The following MEIS3 variants were observed in gnomAD, a reference collection of about 807,000 sequenced individuals.
The protein encoded by MEIS3 is homeobox protein Meis3.
A neutral mutation model predicts 51.4 loss-of-function variants in MEIS3; 38 were observed. The ratio of observed to expected loss-of-function variants is 0.74; its 90% CI spans 0.57 to 0.97. MEIS3 has a LOEUF of 0.97. Among genes scored for constraint, MEIS3 ranks in the 50% least tolerant of loss-of-function variants. The probability of loss-of-function intolerance (pLI) is 0.00; values close to 1 mark genes in which losing one functional copy is unlikely to be tolerated. For missense variants in MEIS3, 456 were observed against 502.6 expected (o/e 0.91, Z 0.89); for synonymous variants, 198 against 201.8 (o/e 0.98, Z 0.16).
chr19:47,413,763 T>C (rs1971253627), intron 6 of MEIS3, among the ~76,000 whole-genome samples: 1 of 151,318 alleles, frequency 6.6e-6, no homozygotes, highest in Non-Finnish European at 1.5e-5. Flanking sequence ...AGTCTTGCTC[T>C]GTCGCCCAGG....
upstream of MEIS3, among the ~76,000 whole-genome samples, chr19:47,419,985 G>A (rs921308383): frequency 6.6e-6 from 1 of 152,130 alleles, no homozygotes; most frequent in African/African-American, 2.4e-5. Context: ...CGCTGGGGGC[G>A]GCGGGGGTGG....
chr19:47,421,039 G>A (rs376911308), upstream of MEIS3, among the ~76,000 whole-genome samples: 11 of 151,416 alleles, frequency 7.3e-5, no homozygotes, highest in African/African-American at 1.9e-4. Context: ...AGCAGGTGGC[G>A]GCCAGGCCTG....
rs200710251 is a variant in MEIS3, at chr19:47,409,277, G to A, written c.710-30C>T. 1,419 of 1,595,754 alleles carry A rather than the reference G, an allele frequency of 8.9e-4. 2 individuals carry two copies. Among genetic ancestry groups the A allele is most frequent in the Admixed American group, 1.3e-3 (72 of 56,386 alleles). On this transcript the variant is annotated intron_variant, in intron 7 of 12. Coordinates refer to ENST00000558555, the MANE Select transcript of MEIS3 (RefSeq NM_001301059.2). ...GGGAAGGCAGGCATGCTGTGTGTGT[G>A]GGTAGTGAAGAGTGGAGGACCAGAG...
At chr19:47,418,067 G>C (rs529116577) in intron 1 of MEIS3, 2 of 251,200 alleles carry the variant, frequency 8.0e-6, no homozygotes, top group East Asian at 1.8e-4. Flanking sequence ...ACTTGTTGCC[G>C]GAGAGGGTCA....
intron 1 of MEIS3, chr19:47,417,638 GA>G: frequency 1.4e-6 from 1 of 702,918 alleles, no homozygotes; most frequent in Non-Finnish European, 2.6e-6. Flanking sequence ...AAGAGATGGA[GA>G]AAGTGGCGTG....
upstream of MEIS3, among the ~76,000 whole-genome samples, chr19:47,420,950 T>A (rs796286432): frequency 0.063 from 7,731 of 123,616 alleles, 327 homozygotes; most frequent in African/African-American, 0.12. Flanking sequence ...ACTCTCTCTC[T>A]CTCTCTCTCT....
intron 6 of MEIS3, among the ~76,000 whole-genome samples, chr19:47,413,562 C>T (rs567348861): frequency 3.3e-5 from 5 of 151,988 alleles, no homozygotes; most frequent in South Asian, 4.2e-4. Context: ...GGCTCTCATG[C>T]GACTTCTCAA....
At chr19:47,412,555 TTTG>T (rs973839490) in intron 6 of MEIS3, among the ~76,000 whole-genome samples, 4 of 151,370 alleles carry the variant, frequency 2.6e-5, no homozygotes, top group African/African-American at 9.7e-5. Context: ...ACCCAGCTAA[TTTG>T]TTGTTGTTTG....
At position 47,417,213 on chromosome 19, in the gene MEIS3, G is replaced by T; in HGVS notation, c.150C>A (p.Ser50Arg). ...CATCCTTCTCCCTCTTCAGGCCGTCGCTGTCCAAGCCTGGGGGCAGGGGCT... is the reference window on the plus strand; with the variant it reads ...CATCCTTCTCCCTCTTCAGGCCGTCTCTGTCCAAGCCTGGGGGCAGGGGCT... ...PPQPLPPGLD[S>R]DGLKREKDEI... is the part of the protein sequence containing the mutation. The change falls in exon 2 of 13, where the codon AGC becomes AGA. Residue 50 changes from serine to arginine, a missense_variant. By Grantham distance (110) the Ser-to-Arg change is moderately radical (BLOSUM62 -1). Coordinates refer to ENST00000558555, the MANE Select transcript of MEIS3 (RefSeq NM_001301059.2). 6.4e-7 allele frequency: 1 copy of T among 1,572,422 alleles called. No individual in the cohort carries two copies. Among genetic ancestry groups the T allele is most frequent in the Non-Finnish European group, 8.6e-7 (1 of 1,162,272 alleles).
chr19:47,417,465 A>C, intron 1 of MEIS3, 115 bp from the exon 2 acceptor site: 1 of 1,301,710 alleles, frequency 7.7e-7, no homozygotes, highest in African/African-American at 1.5e-5. Context: ...GTGTCCCAGA[A>C]ACCTGCCTGT....
chr19:47,409,479 A>C lies in MEIS3; in HGVS notation c.666T>G (p.Ser222Arg). 6.2e-7 allele frequency: 1 copy of C among 1,614,076 alleles called. No homozygotes were observed. Among genetic ancestry groups the C allele is most frequent in the Non-Finnish European group, 8.5e-7 (1 of 1,179,950 alleles). Residue 222 changes from serine (S) to arginine (R), a missense_variant, in exon 7 of 13, where the codon AGT becomes AGG. Ser to Arg is a moderately radical substitution (Grantham distance 110). Coordinates refer to ENST00000558555, the MANE Select transcript of MEIS3 (RefSeq NM_001301059.2). ...CCCCACTCTGGGAGGCCAGGCCCCC[A>C]CTGGATGGACCTGGGGTCCCCAAAT... Reference protein sequence around the residue: ...SVHLGTPGPSSGGLASQSGDN... With the variant: ...SVHLGTPGPSRGGLASQSGDN...
rs1389224591 is a variant in MEIS3, at chr19:47,409,252, G to A, written c.710-5C>T. 2 of 1,606,748 alleles carry A rather than the reference G, an allele frequency of 1.2e-6. No homozygotes were observed. Among genetic ancestry groups the A allele is most frequent in the Admixed American group, 1.7e-5 (1 of 58,600 alleles). ...CGCTGGTGTCCAGCCCGTCTCCTGA[G>A]GGAAGGCAGGCATGCTGTGTGTGTG... On this transcript the variant is annotated splice_region_variant and splice_polypyrimidine_tract_variant and intron_variant, in intron 7 of 12. Transcript: ENST00000558555.
intron 12 of MEIS3, among the ~76,000 whole-genome samples, chr19:47,405,406 G>C (rs1260230716): frequency 6.6e-6 from 1 of 152,076 alleles, no homozygotes; most frequent in African/African-American, 2.4e-5. Flanking sequence ...TGATACCCCA[G>C]AGATAGCTGA....
At chr19:47,421,993 C>T (rs575088723), upstream of MEIS3, among the ~76,000 whole-genome samples, 15 of 152,040 alleles carry the variant, frequency 9.9e-5, 1 homozygote, top group East Asian at 1.7e-3. Context: ...GCCCCCTTCC[C>T]GTCCTCCCGC....
intron 6 of MEIS3, among the ~76,000 whole-genome samples, chr19:47,414,003 G>C (rs984494744): frequency 1.3e-5 from 2 of 151,968 alleles, no homozygotes; most frequent in African/African-American, 4.8e-5. Context: ...CCAAAGTGCT[G>C]GGATTACAGG....
chr19:47,419,114 C>T lies in MEIS3; in HGVS notation c.-33G>A, dbSNP rs369046932. 2.4e-6 allele frequency: 3 copies of T among 1,232,076 alleles called. No individual in the cohort carries two copies. The highest frequency in any genetic ancestry group is 3.0e-6 in the Non-Finnish European group (3 of 987,966). The allele number at this position is 1,232,076 out of a possible 1,614,324, so 76.3% of individuals were successfully genotyped here. ...GGCCGGCGGCAGCTCCTGGGTCCCT[C>T]CAGAGCCTGGCCGCGGGGGAGGGCG... On this transcript the variant is annotated 5_prime_UTR_variant, in exon 1 of 13. Coordinates refer to ENST00000558555, the MANE Select transcript of MEIS3 (RefSeq NM_001301059.2).
chr19:47,410,866 C>T (rs918089155), intron 6 of MEIS3, among the ~76,000 whole-genome samples: 1 of 152,214 alleles, frequency 6.6e-6, no homozygotes, highest in Non-Finnish European at 1.5e-5. Context: ...ACAAGATGAC[C>T]TTACACAGGT....
In MEIS3 at chr19:47,409,052, C is replaced by T. The variant is rs1390239575; in HGVS notation, c.858+47G>A. 6 of 1,595,650 alleles carry T rather than the reference C, an allele frequency of 3.8e-6. 1 individual carries two copies. The South Asian group carries it at 5.5e-5, about 15-fold the overall frequency. ...GTTTCGGTCTCTGTGGTCCACCCTT[C>T]TCCCTCTCTCCATTCCCACCCTGCA... is the stretch of plus-strand genomic sequence containing the variant. On this transcript the variant is annotated intron_variant, in intron 8 of 12. Coordinates refer to ENST00000558555, the MANE Select transcript of MEIS3 (RefSeq NM_001301059.2).
At chr19:47,407,316 C>G in intron 9 of MEIS3, 36 bp downstream of exon 9, 1 of 1,601,852 alleles carries the variant, frequency 6.2e-7, no homozygotes, top group Non-Finnish European at 8.5e-7. Flanking sequence ...GGGCTCTCGC[C>G]CCGGGCCGGC....
Sources: allele counts gnomAD v4.1 joint callset (sites outside exome capture counted in the v4.1 genomes callset), GRCh38; gene constraint gnomAD v4.1.1; transcripts MANE v1.5; gene names NCBI Gene and HGNC (gene_info 2026-07-23, HGNC 2026-07-21).